CLVS1: variants seen among roughly 807,000 people sequenced by gnomAD.
CLVS1 encodes clavesin-1.
A neutral mutation model predicts 33.1 loss-of-function variants in CLVS1; 10 were observed. That is an observed-to-expected ratio of 0.30 (90% confidence interval 0.19 to 0.51). CLVS1 has a LOEUF of 0.51. Ranked by LOEUF, CLVS1 falls within the 20% of genes least tolerant of loss-of-function variation. The pLI, the probability that CLVS1 is intolerant of heterozygous loss-of-function variation, is 0.97. For synonymous variants in CLVS1, 163 were observed against 166.1 expected (o/e 0.98, Z 0.14); for missense variants, 343 against 433.4 (o/e 0.79, Z 1.85).
chr8:61,319,384 C>A (rs1811118649), intron 2 of CLVS1, among the ~76,000 whole-genome samples: 1 of 152,126 alleles, frequency 6.6e-6, no homozygotes, highest in Non-Finnish European at 1.5e-5. Flanking sequence ...CATTATTTCC[C>A]CCCATGGACC....
intron 5 of CLVS1, among the ~76,000 whole-genome samples, chr8:61,472,193 T>C (rs1430361187): frequency 2.6e-5 from 4 of 152,250 alleles, no homozygotes; most frequent in Non-Finnish European, 5.9e-5. Context: ...TCTATAATTA[T>C]GTATTTATTG....
chr8:61,207,206 A>G (rs916209229), intron 2 of CLVS1, among the ~76,000 whole-genome samples: 1 of 152,274 alleles, frequency 6.6e-6, no homozygotes, highest in African/African-American at 2.4e-5. Context: ...TGAAGACTCA[A>G]CAGTGAAGTT....
intron 2 of CLVS1, among the ~76,000 whole-genome samples, chr8:61,368,042 C>T (rs1230727778): frequency 2.0e-5 from 3 of 152,190 alleles, no homozygotes; most frequent in African/African-American, 7.2e-5. Flanking sequence ...TGATTTCATT[C>T]TCTTCAATTC....
chr8:61,427,898 G>T (rs1815953564), intron 3 of CLVS1, among the ~76,000 whole-genome samples: 1 of 152,152 alleles, frequency 6.6e-6, no homozygotes, highest in African/African-American at 2.4e-5. Context: ...TCCTTCTCCG[G>T]AGAGCCCTAC....
chr8:61,089,933 A>T (rs3937549), intron 1 of CLVS1, among the ~76,000 whole-genome samples: 1 of 151,842 alleles, frequency 6.6e-6, no homozygotes, highest in African/African-American at 2.4e-5. Flanking sequence ...TTGTTTGTTT[A>T]TTGTTAAAAA....
At chr8:61,347,919 A>G (rs1413376462) in intron 2 of CLVS1, among the ~76,000 whole-genome samples, 3 of 151,258 alleles carry the variant, frequency 2.0e-5, no homozygotes, top group African/African-American at 7.3e-5. Context: ...CCTTTTCTCC[A>G]TATTCTTTCC....
the CLVS1 span, among the ~76,000 whole-genome samples, chr8:61,042,865 G>T: frequency 1.3e-5 from 2 of 152,126 alleles, no homozygotes; most frequent in Non-Finnish European, 2.9e-5. Context: ...ATTAGTTGAG[G>T]GTCAAGTCCC....
At chr8:60,983,806 C>T in the CLVS1 span, among the ~76,000 whole-genome samples, 1 of 152,208 alleles carries the variant, frequency 6.6e-6, no homozygotes, top group African/African-American at 2.4e-5. Flanking sequence ...CTGCAGCTGG[C>T]AGTTCATCTC....
At position 61,300,212 on chromosome 8, in the gene CLVS1, G is replaced by T. The variant is rs753472849; in HGVS notation, c.385G>T (p.Val129Leu). 1 of 1,613,980 alleles carries T rather than the reference G, an allele frequency of 6.2e-7. No homozygotes were observed. Among genetic ancestry groups the T allele is most frequent in the Non-Finnish European group, 8.5e-7 (1 of 1,179,938 alleles). Residue 129 changes from valine (V) to leucine (L), a missense_variant, in exon 2 of 6, where the codon GTG becomes TTG. Coordinates refer to ENST00000325897, the MANE Select transcript of CLVS1 (RefSeq NM_173519.3). ...KRALIDGFPGVLENRDHYGRK... is the reference protein window; with the variant it reads ...KRALIDGFPGLLENRDHYGRK... The stretch of plus-strand genomic sequence containing the variant: ...GGCTCTGATCGATGGGTTCCCCGGG[G>T]TGCTGGAAAACCGAGACCATTACGG...
intron 2 of CLVS1, among the ~76,000 whole-genome samples, chr8:61,355,946 G>A (rs1230227180): frequency 2.0e-5 from 3 of 152,200 alleles, no homozygotes; most frequent in Non-Finnish European, 4.4e-5. Context: ...GGATGGCTGA[G>A]TCAAATGGTA....
intron 2 of CLVS1, among the ~76,000 whole-genome samples, chr8:61,161,486 C>T (rs747923789): frequency 6.6e-5 from 10 of 152,064 alleles, no homozygotes; most frequent in East Asian, 1.9e-4. Flanking sequence ...AAGAAAATTC[C>T]GTCATTTTTG....
chr8:61,280,768 C>A (rs1386156165), intron 2 of CLVS1, among the ~76,000 whole-genome samples: 1 of 151,970 alleles, frequency 6.6e-6, no homozygotes. Context: ...CAACTTTAGC[C>A]CTCATAAGTG....
At chr8:61,378,046 C>G (rs971472730) in intron 3 of CLVS1, 1 of 152,176 alleles carries the variant, frequency 6.6e-6, no homozygotes, top group African/African-American at 2.4e-5. Context: ...CTCACCTAAG[C>G]CTCTGAACAT....
At chr8:61,065,681 T>C (rs1031207966) in intron 1 of CLVS1, among the ~76,000 whole-genome samples, 8 of 152,222 alleles carry the variant, frequency 5.3e-5, no homozygotes, top group Non-Finnish European at 2.9e-5. Context: ...ATTTTGCAGC[T>C]GTAAGAAGCA....
chr8:61,122,571 C>CAA (rs1470760707), intron 1 of CLVS1, among the ~76,000 whole-genome samples: 1 of 42,252 alleles, frequency 2.4e-5, no homozygotes, highest in African/African-American at 2.1e-4. Context: ...ATTAAGAAAA[C>CAA]ACACACACAC....
intron 3 of CLVS1, among the ~76,000 whole-genome samples, chr8:61,439,352 C>T (rs1309816342): frequency 6.6e-6 from 1 of 152,200 alleles, no homozygotes; most frequent in African/African-American, 2.4e-5. Context: ...AATAGTCAAA[C>T]ATAAACCCTT....
intron 2 of CLVS1, among the ~76,000 whole-genome samples, chr8:61,280,386 T>C (rs1377784711): frequency 3.9e-5 from 6 of 152,196 alleles, no homozygotes; most frequent in Admixed American, 6.5e-5. Context: ...CATTGAAATA[T>C]GACAACTTTT....
rs188067083 is a variant in CLVS1, at chr8:61,477,107, T to G, written c.977+18565T>G. On this transcript the variant is annotated intron_variant, in intron 5 of 5. Transcript: ENST00000325897. Reference sequence around the variant, plus strand: ...TATATGATGGATTACGTTTATTGATTTTTGTATGTTGAACCAGCCTTGCAT... The same window carrying G: ...TATATGATGGATTACGTTTATTGATGTTTGTATGTTGAACCAGCCTTGCAT... Among the ~76,000 whole-genome samples, 1,452 of 152,320 alleles carry G rather than the reference T, an allele frequency of 9.5e-3. 11 individuals are homozygous for G. The highest frequency in any genetic ancestry group is 0.033 in the African/African-American group (1,386 of 41,558).
Position 61,175,215 on chromosome 8 carries a change from A to G in CLVS1, c.-152+43355A>G, listed in dbSNP as rs557254501. On this transcript the variant is annotated intron_variant, in intron 2 of 2. Coordinates refer to the CLVS1 transcript ENST00000522621. The stretch of plus-strand genomic sequence containing the variant: ...CCTAATCTCAATGTGATGGTGTTAG[A>G]AAGTGAGGCCTTTGGGAAGTGATGA... Among the ~76,000 whole-genome samples, 4 of 152,356 alleles carry G rather than the reference A, an allele frequency of 2.6e-5. No individual in the cohort carries two copies. In the South Asian group the frequency reaches 8.3e-4, roughly 32 times the overall value.
Sources: allele counts gnomAD v4.1 joint callset (sites outside exome capture counted in the v4.1 genomes callset), GRCh38; gene constraint gnomAD v4.1.1; transcripts MANE v1.5; gene names NCBI Gene and HGNC (gene_info 2026-07-23, HGNC 2026-07-21).